ARHGAP32: variants seen among roughly 807,000 people sequenced by gnomAD.
The protein encoded by ARHGAP32 is Rho GTPase activating protein 32.
Under a neutral mutation model 186.5 loss-of-function variants are expected in ARHGAP32, and 51 were observed. That is an observed-to-expected ratio of 0.27 (90% CI 0.22 to 0.35). The LOEUF (loss-of-function observed/expected upper bound fraction) is 0.35, where lower values mean the gene tolerates loss of function less well. Ranked by LOEUF, ARHGAP32 falls within the 10% of genes least tolerant of loss-of-function variation. The pLI is 1.00. For missense variants in ARHGAP32, 2,186 were observed against 2,623.5 expected, an observed-to-expected ratio of 0.83 and a Z score of 3.64; for synonymous variants, 950 against 964.3, an observed-to-expected ratio of 0.99 and a Z score of 0.27.
chr11:129,076,945 G>A (rs1292614501), intron 6 of ARHGAP32, among the ~76,000 whole-genome samples: 1 of 152,230 alleles, frequency 6.6e-6, no homozygotes, highest in Non-Finnish European at 1.5e-5. Flanking sequence ...CCCCAAGTGT[G>A]AAAGGGGGAA....
chr11:129,109,794 GTTTGT>G (rs990938548), intron 5 of ARHGAP32, among the ~76,000 whole-genome samples: 2 of 151,634 alleles, frequency 1.3e-5, no homozygotes, highest in African/African-American at 4.8e-5. Flanking sequence ...TTTGGTTTTT[GTTTGT>G]TTTGTTTTTG....
chr11:129,206,096 C>A (rs1164094053), intron 1 of ARHGAP32, among the ~76,000 whole-genome samples: 1 of 152,064 alleles, frequency 6.6e-6, no homozygotes, highest in Non-Finnish European at 1.5e-5. Flanking sequence ...GCATGTATCT[C>A]TAAAATATAG....
chr11:129,192,733 C>T (rs1591687858), upstream of ARHGAP32, among the ~76,000 whole-genome samples: 1 of 152,062 alleles, frequency 6.6e-6, no homozygotes, highest in East Asian at 1.9e-4. Context: ...AGGTTCATGC[C>T]TTCCAATATT....
chr11:128,972,876 G>C lies in ARHGAP32; in HGVS notation c.3630C>G (p.Ser1210=). 1 of 1,613,932 alleles carries C rather than the reference G, an allele frequency of 6.2e-7. No individual in the cohort carries two copies. The highest frequency in any genetic ancestry group is 8.5e-7 in the Non-Finnish European group (1 of 1,179,998). ...GTGGAGACTGGTCCTGATCCAAGAAGGAGACAGTTGGCATACTGTTCTTCC... is the reference window on the plus strand; with the variant it reads ...GTGGAGACTGGTCCTGATCCAAGAACGAGACAGTTGGCATACTGTTCTTCC... ...QSGKNSMPTV[S]FLDQDQSPPR... is the part of the protein sequence containing the mutation. Residue 1210 remains serine (S), a synonymous_variant, in exon 22 of 23, where the codon TCC becomes TCG. Coordinates refer to ENST00000682385, the MANE Select transcript of ARHGAP32 (RefSeq NM_001378024.1).
At chr11:129,058,188 TACAC>T (rs58479028) in intron 10 of ARHGAP32, among the ~76,000 whole-genome samples, 5,249 of 133,664 alleles carry the variant, frequency 0.039, 118 homozygotes, top group Middle Eastern at 0.068. Flanking sequence ...AAAAAAAATA[TACAC>T]ACACACACAC....
At chr11:129,108,790 T>C (rs973562399) in intron 5 of ARHGAP32, among the ~76,000 whole-genome samples, 4 of 152,192 alleles carry the variant, frequency 2.6e-5, no homozygotes, top group African/African-American at 9.6e-5. Context: ...ATTTTTAAAT[T>C]GATACATAAT....
chr11:129,261,613 A>G (rs1445186165), intron 1 of ARHGAP32, among the ~76,000 whole-genome samples: 2 of 152,160 alleles, frequency 1.3e-5, no homozygotes, highest in Non-Finnish European at 2.9e-5. Context: ...AAAACCAAGC[A>G]TTTTTTGTTT....
At chr11:129,043,092 A>G (rs1476483293) in intron 10 of ARHGAP32, among the ~76,000 whole-genome samples, 1 of 152,208 alleles carries the variant, frequency 6.6e-6, no homozygotes, top group Non-Finnish European at 1.5e-5. Flanking sequence ...TGATGCCTTG[A>G]GGTACCCTTC....
At chr11:129,016,956 T>C (rs1448462793) in intron 11 of ARHGAP32, among the ~76,000 whole-genome samples, 1 of 152,222 alleles carries the variant, frequency 6.6e-6, no homozygotes, top group African/African-American at 2.4e-5. Flanking sequence ...TTAGGAACTT[T>C]ATGACTTTCT....
chr11:129,218,479 C>T (rs1290421849), intron 1 of ARHGAP32, among the ~76,000 whole-genome samples: 4 of 152,218 alleles, frequency 2.6e-5, no homozygotes, highest in African/African-American at 9.6e-5. Context: ...AAGCCCCCTA[C>T]ACAAAATCCT....
At chr11:129,052,218 A>G (rs1940079958) in intron 10 of ARHGAP32, among the ~76,000 whole-genome samples, 1 of 152,144 alleles carries the variant, frequency 6.6e-6, no homozygotes, top group South Asian at 2.1e-4. Context: ...CATGTGTACA[A>G]CTGTATGTAT....
chr11:129,046,376 T>C (rs373305656), intron 10 of ARHGAP32, among the ~76,000 whole-genome samples: 1 of 152,196 alleles, frequency 6.6e-6, no homozygotes, highest in African/African-American at 2.4e-5. Context: ...TTTTAACAAC[T>C]GTCCTACAAA....
chr11:129,231,008 G>T (rs1373289670), intron 1 of ARHGAP32, among the ~76,000 whole-genome samples: 1 of 152,024 alleles, frequency 6.6e-6, no homozygotes, highest in Non-Finnish European at 1.5e-5. Context: ...GGTGGTGGGT[G>T]CCTGTAATCC....
At chr11:129,182,213 C>T (rs933913484) in intron 1 of ARHGAP32, among the ~76,000 whole-genome samples, 2 of 152,080 alleles carry the variant, frequency 1.3e-5, no homozygotes, top group African/African-American at 4.8e-5. Flanking sequence ...ACTGCTATTA[C>T]AAACAATGCT....
At chr11:129,206,319 C>T (rs1024830983) in intron 1 of ARHGAP32, among the ~76,000 whole-genome samples, 7 of 152,132 alleles carry the variant, frequency 4.6e-5, no homozygotes, top group African/African-American at 1.7e-4. Flanking sequence ...TTAAGGGATC[C>T]TTCTGCCTCA....
chr11:128,999,286 GCCCC>G (rs1240688443), intron 11 of ARHGAP32, among the ~76,000 whole-genome samples: 1 of 152,108 alleles, frequency 6.6e-6, no homozygotes, highest in Non-Finnish European at 1.5e-5. Context: ...CTCCTGCGGT[GCCCC>G]CAGGCTTACT....
At chr11:129,067,088 T>C (rs187314442) in intron 6 of ARHGAP32, among the ~76,000 whole-genome samples, 1 of 151,966 alleles carries the variant, frequency 6.6e-6, no homozygotes, top group South Asian at 2.1e-4. Context: ...CTCTCCACCA[T>C]CCCTCTTCCT....
chr11:128,980,504 G>T (rs764905250), intron 18 of ARHGAP32, 49 bp downstream of exon 18: 2 of 1,424,252 alleles, frequency 1.4e-6, no homozygotes, highest in Non-Finnish European at 1.9e-6. Flanking sequence ...AAAATAATAG[G>T]ACATAGCTAT....
At chr11:129,061,124 A>G (rs1940486621) in intron 10 of ARHGAP32, among the ~76,000 whole-genome samples, 1 of 152,232 alleles carries the variant, frequency 6.6e-6, no homozygotes, top group Non-Finnish European at 1.5e-5. Context: ...GTTAGAACTC[A>G]AAGTATTTAT....
Sources: allele counts gnomAD v4.1 joint callset (sites outside exome capture counted in the v4.1 genomes callset), GRCh38; gene constraint gnomAD v4.1.1; transcripts MANE v1.5; gene names NCBI Gene and HGNC (gene_info 2026-07-23, HGNC 2026-07-21).